C12orf75: variants seen among roughly 807,000 people sequenced by gnomAD.
C12orf75 encodes chromosome 12 open reading frame 75, also known as overexpressed in colon carcinoma 1 protein.
In C12orf75, 4 loss-of-function variants were observed where a neutral mutation model predicts 11.4. That is an observed-to-expected ratio of 0.35 (90% CI 0.17 to 0.80). The LOEUF (loss-of-function observed/expected upper bound fraction) is 0.80, where lower values mean the gene tolerates loss of function less well. C12orf75 is among the 30% of genes least tolerant of loss of function. The probability of loss-of-function intolerance (pLI) is 0.52; values close to 1 mark genes in which losing one functional copy is unlikely to be tolerated. For missense variants in C12orf75, 89 were observed against 80.4 expected (o/e 1.11, Z -0.41); for synonymous variants, 30 against 30.0 (o/e 1.00, Z 0.00).
intron 2 of C12orf75, among the ~76,000 whole-genome samples, chr12:105,362,353 C>T (rs1289457202): frequency 3.2e-5 from 4 of 125,790 alleles, no homozygotes; most frequent in Non-Finnish European, 6.3e-5. Flanking sequence ...CCACTGCACT[C>T]CAGCCTGGGC....
At chr12:105,333,632 G>GT in intron 1 of C12orf75, among the ~76,000 whole-genome samples, 1 of 152,176 alleles carries the variant, frequency 6.6e-6, no homozygotes, top group South Asian at 2.1e-4. Flanking sequence ...TATTGTGGGT[G>GT]TTTCATTTTA....
In C12orf75 at chr12:105,362,560, A is replaced by G. The variant is rs368557059; in HGVS notation, c.72-3247A>G. Among the ~76,000 whole-genome samples, 54 of 137,568 alleles carry G rather than the reference A, an allele frequency of 3.9e-4. No individual in the cohort carries two copies. In the East Asian group the frequency reaches 0.01, roughly 26 times the overall value. The allele number at this position is 137,568 out of a possible 152,430, so 90.2% of individuals were successfully genotyped here. A position where few individuals can be genotyped will look rare whatever the true frequency, so the allele number is the denominator to read the frequency against. On this transcript the variant is annotated intron_variant, in intron 2 of 5. Coordinates refer to ENST00000443585, the MANE Select transcript of C12orf75 (RefSeq NM_001145199.2). ...CGGGTGCCTGTAGTCCCAGCTACTCAGGAGGCTGAGGCAGGAGAATGGCGT... is the reference window on the plus strand; with the variant it reads ...CGGGTGCCTGTAGTCCCAGCTACTCGGGAGGCTGAGGCAGGAGAATGGCGT...
At chr12:105,345,401 A>G (rs1258275408) in intron 1 of C12orf75, among the ~76,000 whole-genome samples, 1 of 151,904 alleles carries the variant, frequency 6.6e-6, no homozygotes, top group Non-Finnish European at 1.5e-5. Context: ...GAGGCAAGAA[A>G]ATAGCTTGAA....
Position 105,330,976 on chromosome 12 carries a change from G to A in C12orf75, c.46+39G>A, listed in dbSNP as rs919635408. 32 of 1,137,700 alleles carry A rather than the reference G, an allele frequency of 2.8e-5. No homozygotes were observed. The African/African-American group carries it at 4.8e-4, about 17-fold the overall frequency. 70.5% of individuals were successfully genotyped at this position (1,137,700 alleles called of 1,614,324 possible). ...GAGGCGGGGGCCGGCGGGGGCGGGC[G>A]GGAGAGGCGGCGGGAAGGAAGGGTG... On this transcript the variant is annotated intron_variant, in intron 1 of 5. Coordinates refer to ENST00000443585, the MANE Select transcript of C12orf75 (RefSeq NM_001145199.2).
rs1892671290 is a variant in C12orf75 at position 105,348,603 on chromosome 12, C to T, written c.48C>T (p.Gly16=). 2.9e-5 allele frequency: 44 copies of T among 1,535,046 alleles called. No individual in the cohort carries two copies. Among genetic ancestry groups the T allele is most frequent in the Non-Finnish European group, 3.7e-5 (42 of 1,137,666 alleles). ...AACCTATCTTCTTTTTTTCTCTAGGCCCTGCAGGAGCAGCCAAAGATGTGT... is the reference window on the plus strand; with the variant it reads ...AACCTATCTTCTTTTTTTCTCTAGGTCCTGCAGGAGCAGCCAAAGATGTGT... ...STATSAGAGQ[G]PAGAAKDVTE... The change falls in exon 2 of 6, where the codon GGC becomes GGT. Residue 16 remains glycine (G), a splice_region_variant and synonymous_variant. Transcript: ENST00000443585.
chr12:105,362,401 A>AG (rs1892882524), intron 2 of C12orf75, among the ~76,000 whole-genome samples: 1 of 144,626 alleles, frequency 6.9e-6, no homozygotes, highest in Non-Finnish European at 1.5e-5. Context: ...AAAAAAAAAA[A>AG]AAAAAAAATT....
At chr12:105,351,374 T>G (rs910172132) in intron 2 of C12orf75, among the ~76,000 whole-genome samples, 4 of 152,308 alleles carry the variant, frequency 2.6e-5, no homozygotes, top group African/African-American at 7.2e-5. Flanking sequence ...GGAAAATGGT[T>G]GTTATTTTTG....
chr12:105,362,550 C>G (rs1228030070), intron 2 of C12orf75, among the ~76,000 whole-genome samples: 1 of 150,776 alleles, frequency 6.6e-6, no homozygotes, highest in East Asian at 1.9e-4. Flanking sequence ...GCCTGTAGTC[C>G]CAGCTACTCA....
intron 2 of C12orf75, among the ~76,000 whole-genome samples, chr12:105,356,174 C>T (rs1300274930): frequency 1.3e-5 from 2 of 152,138 alleles, no homozygotes; most frequent in Non-Finnish European, 2.9e-5. Context: ...ATTGAAACCA[C>T]CCCAAGGAGC....
chr12:105,363,017 GC>G (rs1892895048), intron 2 of C12orf75, among the ~76,000 whole-genome samples: 1 of 152,248 alleles, frequency 6.6e-6, no homozygotes, highest in African/African-American at 2.4e-5. Context: ...TTTAGGAGAA[GC>G]CACTACGTTG....
At chr12:105,358,093 C>A (rs776270459) in intron 2 of C12orf75, among the ~76,000 whole-genome samples, 4 of 152,150 alleles carry the variant, frequency 2.6e-5, no homozygotes. Context: ...AGATATCTGT[C>A]TGCCTTGGCT....
rs1355622864 is a variant in C12orf75 at position 105,343,094 on chromosome 12, A to C, written c.47-5508A>C. Among the ~76,000 whole-genome samples, 4 of 152,162 alleles carry C rather than the reference A, an allele frequency of 2.6e-5. No homozygotes were observed. The South Asian group carries it at 8.3e-4, about 31-fold the overall frequency. On this transcript the variant is annotated intron_variant, in intron 1 of 5. Coordinates refer to ENST00000443585, the MANE Select transcript of C12orf75 (RefSeq NM_001145199.2). ...GCATATAATACTTTCCTGAGAACAA[A>C]CCTTTCCCCTCTCCATTTTTAGGAA...
chr12:105,343,206 T>A (rs958910732), intron 1 of C12orf75, among the ~76,000 whole-genome samples: 3 of 152,218 alleles, frequency 2.0e-5, no homozygotes, highest in Admixed American at 2.0e-4. Context: ...ATTATAATAG[T>A]CTCTCTATAT....
chr12:105,367,032 A>C (rs1025370444), intron 4 of C12orf75, among the ~76,000 whole-genome samples: 1 of 152,258 alleles, frequency 6.6e-6, no homozygotes, highest in Non-Finnish European at 1.5e-5. Flanking sequence ...TCTGTAATAT[A>C]AGATGACTGA....
At chr12:105,348,297 C>G (rs944092117) in intron 1 of C12orf75, among the ~76,000 whole-genome samples, 1 of 151,928 alleles carries the variant, frequency 6.6e-6, no homozygotes, top group African/African-American at 2.4e-5. Flanking sequence ...CACCTGTATT[C>G]CGAGCTACTC....
At chr12:105,365,706 A>G in intron 2 of C12orf75, 101 bp from the exon 3 acceptor site, 1 of 770,636 alleles carries the variant, frequency 1.3e-6, no homozygotes, top group Admixed American at 2.1e-5. Flanking sequence ...CATTTGAAAT[A>G]AAATTGACTT....
chr12:105,345,446 C>T (rs1389202134), intron 1 of C12orf75, among the ~76,000 whole-genome samples: 2 of 151,708 alleles, frequency 1.3e-5, no homozygotes, highest in South Asian at 4.2e-4. Context: ...GCCAAGATGG[C>T]ACCACTACAC....
At chr12:105,369,087 G>C (rs1339353865) in intron 5 of C12orf75, among the ~76,000 whole-genome samples, 2 of 152,232 alleles carry the variant, frequency 1.3e-5, no homozygotes, top group African/African-American at 4.8e-5. Flanking sequence ...TAGAAATAGA[G>C]TGGAAAGAGG....
chr12:105,336,814 C>T (rs1892504754), intron 1 of C12orf75, among the ~76,000 whole-genome samples: 1 of 152,136 alleles, frequency 6.6e-6, no homozygotes, highest in Non-Finnish European at 1.5e-5. Context: ...GGCAGGTGAT[C>T]AACATACTCG....
Sources: gnomAD v4.1 joint callset for allele counts (sites outside exome capture counted in the v4.1 genomes callset) on GRCh38, gnomAD v4.1.1 for gene constraint, MANE v1.5 for transcripts, NCBI Gene and HGNC (gene_info 2026-07-23, HGNC 2026-07-21) for gene names.